Variants in PCDHGA3 observed in about 807,000 individuals in gnomAD.
The protein encoded by PCDHGA3 is protocadherin gamma subfamily A, 3.
A neutral mutation model predicts 58.5 loss-of-function variants in PCDHGA3; 40 were observed. That is an observed-to-expected ratio of 0.68 (90% CI 0.53 to 0.89). PCDHGA3 has a LOEUF of 0.89. Ranked by LOEUF, PCDHGA3 falls within the 40% of genes least tolerant of loss-of-function variation. The pLI is 0.00. For synonymous variants in PCDHGA3, 530 were observed against 525.7 expected (o/e 1.01, Z -0.11); for missense variants, 1,223 against 1,195.9 (o/e 1.02, Z -0.33).
intron 1 of PCDHGA3, chr5:141,404,026 A>T: frequency 6.2e-7 from 1 of 1,613,874 alleles, no homozygotes; most frequent in Non-Finnish European, 8.5e-7. Context: ...CAGTGAGAGA[A>T]GACGCACCTC....
intron 1 of PCDHGA3, among the ~76,000 whole-genome samples, chr5:141,434,285 T>G (rs1358981946): frequency 6.6e-6 from 1 of 152,232 alleles, no homozygotes; most frequent in Non-Finnish European, 1.5e-5. Context: ...GTATTCTCTG[T>G]TTTTCCTGTA....
Position 141,403,985 on chromosome 5 carries a change from C to T in PCDHGA3, c.2424+57528C>T, listed in dbSNP as rs765326042. The T allele has an allele frequency of 5.7e-5, 92 of 1,613,546 alleles. No individual in the cohort carries two copies. The Admixed American group carries it at 7.2e-4, about 13-fold the overall frequency. On this transcript the variant is annotated intron_variant, in intron 1 of 3. Coordinates refer to ENST00000253812, the MANE Select transcript of PCDHGA3 (RefSeq NM_018916.4). ...GGTGGAAGATGTAAATGACAATAGA[C>T]CTGAAGTGACCATTACATCTCTGTT...
In PCDHGA3 at chr5:141,489,201, G is replaced by A. The variant is rs757039294; in HGVS notation, c.2425-5606G>A. ...AGCCCTGGGTCTACCTTGGAGACAG[G>A]ACAGCACAGACTTACTCTCCACAAA... On this transcript the variant is annotated intron_variant, in intron 1 of 3. Coordinates refer to ENST00000253812, the MANE Select transcript of PCDHGA3 (RefSeq NM_018916.4). This position sits in a 1 kb window ranked among gnomAD's most constrained non-coding sequence, Gnocchi z 4.5. The A allele has an allele frequency of 7.8e-6, 11 of 1,416,092 alleles. No individual in the cohort carries two copies. In the African/African-American group the frequency reaches 1.3e-4, roughly 17 times the overall value. 87.7% of individuals were successfully genotyped at this position (1,416,092 alleles called of 1,614,324 possible).
intron 1 of PCDHGA3, chr5:141,409,027 TGA>T: frequency 1.9e-6 from 3 of 1,613,978 alleles, no homozygotes; most frequent in Non-Finnish European, 2.5e-6. Context: ...GGGTCAATGC[TGA>T]GATAAACTAC....
At chr5:141,388,728 A>G (rs377444638) in intron 1 of PCDHGA3, 11 of 1,613,902 alleles carry the variant, frequency 6.8e-6, no homozygotes, top group Admixed American at 1.7e-5. Flanking sequence ...TTTCTCTTTC[A>G]GTGAAGCTAG....
chr5:141,505,676 C>A (rs1308943385), intron 3 of PCDHGA3, among the ~76,000 whole-genome samples, 195 bp downstream of exon 3: 1 of 152,060 alleles, frequency 6.6e-6, no homozygotes, highest in South Asian at 2.1e-4. Context: ...GGTTGGGGGT[C>A]CTGGGATGCC....
intron 1 of PCDHGA3, chr5:141,423,735 G>A (rs2096770441): frequency 1.3e-6 from 1 of 777,372 alleles, no homozygotes; most frequent in African/African-American, 2.5e-5. Context: ...TTTTGAGCCT[G>A]TTATGAAAAC....
Position 141,489,699 on chromosome 5 carries a change from A to G in PCDHGA3, c.2425-5108A>G. ...CAGCAGCATCTGGGGCACGATTCCC[A>G]CTGGACAGTGCCCAGGATCCGGATG... is the stretch of plus-strand genomic sequence containing the variant. On this transcript the variant is annotated intron_variant, in intron 1 of 3. Transcript: ENST00000253812. The surrounding 1 kb of genome is among the most constrained non-coding windows in gnomAD (Gnocchi z 4.5). The G allele has an allele frequency of 6.2e-7, 1 of 1,614,102 alleles. No homozygotes were observed. The highest frequency in any genetic ancestry group is 8.5e-7 in the Non-Finnish European group (1 of 1,179,956).
At chr5:141,347,223 G>A (rs980321059) in intron 1 of PCDHGA3, among the ~76,000 whole-genome samples, 2 of 139,372 alleles carry the variant, frequency 1.4e-5, no homozygotes, top group Non-Finnish European at 3.1e-5. Flanking sequence ...GCATGATCAC[G>A]GCTCACTGCA....
rs143509166 is a variant in PCDHGA3 at position 141,395,182 on chromosome 5, C to T, written c.2424+48725C>T. On this transcript the variant is annotated intron_variant, in intron 1 of 3. Transcript: ENST00000253812. ...CAGGAGGGCTGTGAGAAAAATGATT[C>T]TTTGTTAACATCCGTAGATTTTCAT... 141 of 1,614,114 alleles carry T rather than the reference C, an allele frequency of 8.7e-5. 2 individuals are homozygous for T. The Middle Eastern group carries it at 1.8e-3, about 21-fold the overall frequency.
At chr5:141,465,494 G>C (rs2099104306) in intron 1 of PCDHGA3, among the ~76,000 whole-genome samples, 1 of 152,204 alleles carries the variant, frequency 6.6e-6, no homozygotes, top group African/African-American at 2.4e-5. Context: ...ATGAGCGGGA[G>C]CATTGTCGTG....
In PCDHGA3 at chr5:141,388,603, C is replaced by T. The variant is rs558931275; in HGVS notation, c.2424+42146C>T. The T allele has an allele frequency of 6.9e-5, 111 of 1,613,860 alleles. 1 individual carries two copies. The South Asian group carries it at 1.2e-3, about 18-fold the overall frequency. ...GTGACTGATGCCAATGATAATGCTCCAGTGTTCAGTCAAGACGTATACAGG... is the reference window on the plus strand; with the variant it reads ...GTGACTGATGCCAATGATAATGCTCTAGTGTTCAGTCAAGACGTATACAGG... On this transcript the variant is annotated intron_variant, in intron 1 of 3. Transcript: ENST00000253812.
intron 1 of PCDHGA3, among the ~76,000 whole-genome samples, chr5:141,353,372 A>G (rs1343122044): frequency 6.6e-6 from 1 of 152,228 alleles, no homozygotes; most frequent in Admixed American, 6.5e-5. Context: ...TGATGTAATT[A>G]TGTATTAATG....
intron 1 of PCDHGA3, among the ~76,000 whole-genome samples, chr5:141,475,620 G>A (rs2154572702): frequency 6.6e-6 from 1 of 152,238 alleles, no homozygotes; most frequent in Admixed American, 6.5e-5. Flanking sequence ...TTTTCGGTTT[G>A]GTTCGATCCC....
chr5:141,507,716 C>T (rs567867232), intron 3 of PCDHGA3, among the ~76,000 whole-genome samples: 1 of 152,372 alleles, frequency 6.6e-6, no homozygotes, highest in South Asian at 2.1e-4. Flanking sequence ...CCCAAACCCT[C>T]CAAGCAAGTC....
intron 1 of PCDHGA3, chr5:141,383,758 A>G: frequency 6.2e-7 from 1 of 1,613,970 alleles, no homozygotes. Flanking sequence ...AATAACTCCT[A>G]AACTTCCAAA....
At chr5:141,454,811 T>TTTTTA (rs1284435092) in intron 1 of PCDHGA3, among the ~76,000 whole-genome samples, 4 of 125,862 alleles carry the variant, frequency 3.2e-5, no homozygotes, top group African/African-American at 1.3e-4. Context: ...TTTTTTTTTT[T>TTTTTA]TTTTTTTTTT....
At chr5:141,360,268 T>C in intron 1 of PCDHGA3, 1 of 1,613,792 alleles carries the variant, frequency 6.2e-7, no homozygotes, top group Non-Finnish European at 8.5e-7. Context: ...GGCCAAAAAC[T>C]CGGTCGTAGG....
At chr5:141,426,767 A>G (rs1219028777) in intron 1 of PCDHGA3, 1 of 456,548 alleles carries the variant, frequency 2.2e-6, no homozygotes, top group Admixed American at 2.3e-5. Flanking sequence ...ATGCAGATGT[A>G]GGGCCTCACT....
Sources: gnomAD v4.1 joint callset for allele counts (sites outside exome capture counted in the v4.1 genomes callset) on GRCh38, gnomAD v4.1.1 for gene constraint, Gnocchi (gnomAD v3.1) non-coding constraint, MANE v1.5 for transcripts, NCBI Gene and HGNC (gene_info 2026-07-23, HGNC 2026-07-21) for gene names.